EHBP1: variants seen among roughly 807,000 people sequenced by gnomAD.
EHBP1 encodes the protein EH domain binding protein 1.
A neutral mutation model predicts 144.0 loss-of-function variants in EHBP1; 55 were observed. The ratio of observed to expected loss-of-function variants is 0.38; its 90% CI spans 0.31 to 0.48. The LOEUF (loss-of-function observed/expected upper bound fraction) is 0.48, where lower values mean the gene tolerates loss of function less well. Ranked by LOEUF, EHBP1 falls within the 20% of genes least tolerant of loss-of-function variation. The pLI is 0.98. For synonymous variants in EHBP1, 469 were observed against 472.7 expected (o/e 0.99, Z 0.10); for missense variants, 1,200 against 1,364.2 (o/e 0.88, Z 1.90).
intron 7 of EHBP1, among the ~76,000 whole-genome samples, chr2:62,854,944 C>A (rs1197704112): frequency 6.6e-6 from 1 of 152,160 alleles, no homozygotes; most frequent in Non-Finnish European, 1.5e-5. Flanking sequence ...ACCCAGGTAC[C>A]CCTCTATTCT....
chr2:62,760,190 C>T (rs2040653953), intron 3 of EHBP1, among the ~76,000 whole-genome samples: 1 of 152,124 alleles, frequency 6.6e-6, no homozygotes, highest in African/African-American at 2.4e-5. Context: ...GCAGTTCATA[C>T]CTGTGTTGTT....
chr2:62,749,467 G>A (rs2152187644), intron 3 of EHBP1, among the ~76,000 whole-genome samples: 1 of 152,326 alleles, frequency 6.6e-6, no homozygotes, highest in South Asian at 2.1e-4. Flanking sequence ...TGTCTTTATA[G>A]CAGCATGATT....
intron 19 of EHBP1, among the ~76,000 whole-genome samples, chr2:63,010,344 T>A (rs541604157): frequency 1.3e-5 from 2 of 151,456 alleles, no homozygotes; most frequent in Non-Finnish European, 3.0e-5. Flanking sequence ...TAATCCATAC[T>A]CTTACATAGT....
chr2:62,872,716 A>G (rs1301840418), intron 9 of EHBP1, among the ~76,000 whole-genome samples: 1 of 152,152 alleles, frequency 6.6e-6, no homozygotes, highest in Admixed American at 6.5e-5. Context: ...TCATTACCAC[A>G]AAAAGAAACC....
intron 19 of EHBP1, among the ~76,000 whole-genome samples, chr2:63,026,293 CTTGT>C (rs1339158542): frequency 2.1e-5 from 2 of 97,202 alleles, no homozygotes; most frequent in Non-Finnish European, 4.3e-5. Flanking sequence ...GGCTCTCTAC[CTTGT>C]GTGTGTGTGT....
chr2:62,743,516 A>G (rs1558589905), intron 2 of EHBP1, among the ~76,000 whole-genome samples: 2 of 152,058 alleles, frequency 1.3e-5, no homozygotes, highest in Non-Finnish European at 2.9e-5. Context: ...ATTGCTCAGC[A>G]TGGTGTCAGG....
chr2:62,999,341 A>G (rs2059761316), intron 19 of EHBP1, among the ~76,000 whole-genome samples: 1 of 152,146 alleles, frequency 6.6e-6, no homozygotes, highest in African/African-American at 2.4e-5. Context: ...TGAAATTCAC[A>G]TAATATAAAA....
rs570411708 is a variant in EHBP1, at chr2:62,952,915, A to C, written c.2317-2602A>C. Among the ~76,000 whole-genome samples the C allele has an allele frequency of 6.6e-5, 10 of 152,282 alleles. No homozygotes were observed. In the South Asian group the frequency reaches 1.9e-3, roughly 28 times the overall value. ...TACTTTCAGGAATTTTTCCTAAGGAAATAATTAGAATTGTATAATATGGCC... is the reference window on the plus strand; with the variant it reads ...TACTTTCAGGAATTTTTCCTAAGGACATAATTAGAATTGTATAATATGGCC... On this transcript the variant is annotated intron_variant, in intron 13 of 22. Transcript: ENST00000431489.
chr2:62,883,553 C>T (rs977230021), intron 10 of EHBP1, among the ~76,000 whole-genome samples: 1 of 152,106 alleles, frequency 6.6e-6, no homozygotes, highest in Non-Finnish European at 1.5e-5. Flanking sequence ...TGGTGAAACC[C>T]AACTGAAAAA....
intron 2 of EHBP1, among the ~76,000 whole-genome samples, chr2:62,712,327 T>C (rs1489295864): frequency 6.6e-6 from 1 of 152,172 alleles, no homozygotes; most frequent in African/African-American, 2.4e-5. Context: ...AGAAATCATC[T>C]GCTGGGAGGG....
intron 14 of EHBP1, 27 bp downstream of exon 14, chr2:62,955,687 A>G (rs768923355): frequency 1.3e-6 from 2 of 1,583,720 alleles, no homozygotes; most frequent in African/African-American, 1.4e-5. Context: ...AAAAAAGACC[A>G]TAAGTTGTTC....
chr2:62,899,768 T>C (rs1176048547), intron 10 of EHBP1, among the ~76,000 whole-genome samples: 1 of 152,238 alleles, frequency 6.6e-6, no homozygotes, highest in Non-Finnish European at 1.5e-5. Context: ...TATAAACTCA[T>C]TACTTCAAAG....
At chr2:63,035,225 G>A (rs889500611) in intron 19 of EHBP1, among the ~76,000 whole-genome samples, 1 of 152,008 alleles carries the variant, frequency 6.6e-6, no homozygotes, top group Admixed American at 6.6e-5. Flanking sequence ...ACGTATAGAT[G>A]TCCATCATTG....
At chr2:62,697,938 A>G (rs183517594) in intron 1 of EHBP1, among the ~76,000 whole-genome samples, 100 of 152,362 alleles carry the variant, frequency 6.6e-4, no homozygotes, top group African/African-American at 2.2e-3. Context: ...AGGTCCCATT[A>G]TACACGCTGT....
intron 13 of EHBP1, among the ~76,000 whole-genome samples, chr2:62,950,206 T>C (rs1246559985): frequency 6.6e-6 from 1 of 152,118 alleles, no homozygotes; most frequent in Non-Finnish European, 1.5e-5. Context: ...CAAAGCCAGA[T>C]TTGGGGGCCT....
intron 7 of EHBP1, among the ~76,000 whole-genome samples, chr2:62,857,483 G>C (rs902359048): frequency 6.6e-6 from 1 of 152,076 alleles, no homozygotes; most frequent in East Asian, 1.9e-4. Flanking sequence ...TGTGCCCTTA[G>C]GTTTACAATG....
intron 10 of EHBP1, among the ~76,000 whole-genome samples, chr2:62,887,959 T>C (rs1467754598): frequency 6.6e-6 from 1 of 152,224 alleles, no homozygotes; most frequent in Non-Finnish European, 1.5e-5. Flanking sequence ...ATAGAATTAC[T>C]GGTGAGGAAG....
chr2:62,764,762 A>G (rs1365349200), intron 4 of EHBP1, among the ~76,000 whole-genome samples: 10 of 152,100 alleles, frequency 6.6e-5, no homozygotes, highest in African/African-American at 2.4e-4. Context: ...TAATGTAACA[A>G]GATGTGTTTT....
At chr2:63,003,001 T>C (rs1187778506) in intron 19 of EHBP1, among the ~76,000 whole-genome samples, 1 of 152,080 alleles carries the variant, frequency 6.6e-6, no homozygotes, top group Non-Finnish European at 1.5e-5. Flanking sequence ...TTTCTTATCC[T>C]ACAAGTTGCA....
Sources: allele counts gnomAD v4.1 joint callset (sites outside exome capture counted in the v4.1 genomes callset), GRCh38; gene constraint gnomAD v4.1.1; transcripts MANE v1.5; gene names NCBI Gene and HGNC (gene_info 2026-07-23, HGNC 2026-07-21).